MRPS6: variants seen among roughly 807,000 people sequenced by gnomAD.
The protein encoded by MRPS6 is small ribosomal subunit protein bS6m.
Under a neutral mutation model 13.1 loss-of-function variants are expected in MRPS6, and 6 were observed. That is an observed-to-expected ratio of 0.46 (90% CI 0.25 to 0.91). The LOEUF is 0.91. Ranked by LOEUF, MRPS6 falls within the 40% of genes least tolerant of loss-of-function variation. MRPS6 has a pLI of 0.18. For missense variants in MRPS6, 164 were observed against 155.6 expected (o/e 1.05, Z -0.29); for synonymous variants, 61 against 56.5 (o/e 1.08, Z -0.36).
intron 1 of MRPS6, among the ~76,000 whole-genome samples, chr21:34,110,844 C>G (rs188248119): frequency 5.9e-5 from 9 of 152,280 alleles, no homozygotes; most frequent in African/African-American, 2.2e-4. Flanking sequence ...TGCTCAAGAC[C>G]GATAGCGCTA....
At chr21:34,093,679 G>A (rs1269065570) in intron 1 of MRPS6, among the ~76,000 whole-genome samples, 1 of 152,204 alleles carries the variant, frequency 6.6e-6, no homozygotes, top group Non-Finnish European at 1.5e-5. Context: ...GCATTAGGTT[G>A]AATAAAATTG....
At chr21:34,079,475 G>T (rs1174980432) in intron 1 of MRPS6, among the ~76,000 whole-genome samples, 1 of 151,744 alleles carries the variant, frequency 6.6e-6, no homozygotes, top group Non-Finnish European at 1.5e-5. Flanking sequence ...TTGCTGTGTT[G>T]CCTAGGCTGG....
chr21:34,142,786 G>C lies in MRPS6; in HGVS notation c.*186G>C. 1.8e-6 allele frequency: 1 copy of C among 545,818 alleles called. No individual in the cohort carries two copies. Among genetic ancestry groups the C allele is most frequent in the Non-Finnish European group, 2.9e-6 (1 of 339,242 alleles). The allele number at this position is 545,818 out of a possible 1,614,324, so 33.8% of individuals were successfully genotyped here. A position where few individuals can be genotyped will look rare whatever the true frequency, so the allele number is the denominator to read the frequency against. On this transcript the variant is annotated 3_prime_UTR_variant, in exon 3 of 3. Coordinates refer to ENST00000399312, the MANE Select transcript of MRPS6 (RefSeq NM_032476.4). ...AGAGGTGGGGAACTGCTCACTGACA[G>C]CTTCTCTGTAACCTGCAGTACCAGT...
At chr21:34,077,334 GAAAT>G (rs1430795150) in intron 1 of MRPS6, among the ~76,000 whole-genome samples, 3 of 152,194 alleles carry the variant, frequency 2.0e-5, no homozygotes, top group South Asian at 2.1e-4. Flanking sequence ...TCTGAGGAAA[GAAAT>G]CTGTGCAATA....
chr21:34,110,122 T>C (rs1979639097), intron 1 of MRPS6, among the ~76,000 whole-genome samples: 1 of 152,222 alleles, frequency 6.6e-6, no homozygotes, highest in Non-Finnish European at 1.5e-5. Context: ...TGCTTATTTC[T>C]AAGTGCTAAG....
intron 1 of MRPS6, among the ~76,000 whole-genome samples, chr21:34,080,688 T>A (rs554522411): frequency 6.6e-6 from 1 of 152,232 alleles, no homozygotes; most frequent in Non-Finnish European, 1.5e-5. Context: ...AGTTAATTGG[T>A]GAATATGTTT....
At chr21:34,141,141 T>C (rs1980893372) in intron 2 of MRPS6, among the ~76,000 whole-genome samples, 1 of 152,232 alleles carries the variant, frequency 6.6e-6, no homozygotes, top group South Asian at 2.1e-4. Context: ...GCTAACACCA[T>C]CACGGTCAAA....
chr21:34,095,954 G>A lies in MRPS6; in HGVS notation c.45+22209G>A, dbSNP rs144668351. The A allele has an allele frequency of 1.9e-5, 31 of 1,614,104 alleles. 1 individual carries two copies. The African/African-American group carries it at 3.7e-4, about 19-fold the overall frequency. Reference sequence around the variant, plus strand: ...AGAAAGAAGCCCTGAAAATGCTGCGGAATCCAACAGATGAAGATGTTCCTT... The same window carrying A: ...AGAAAGAAGCCCTGAAAATGCTGCGAAATCCAACAGATGAAGATGTTCCTT... On this transcript the variant is annotated intron_variant, in intron 1 of 2. Coordinates refer to ENST00000399312, the MANE Select transcript of MRPS6 (RefSeq NM_032476.4).
chr21:34,104,244 T>TG (rs946398884), intron 1 of MRPS6: 63 of 1,000,166 alleles, frequency 6.3e-5, no homozygotes, highest in Non-Finnish European at 7.3e-5. Flanking sequence ...CTTTTCACAA[T>TG]GGGGTGGAGA....
At chr21:34,127,258 T>C (rs978388708) in intron 2 of MRPS6, among the ~76,000 whole-genome samples, 5 of 152,200 alleles carry the variant, frequency 3.3e-5, no homozygotes, top group African/African-American at 1.2e-4. Context: ...TGGGGGAGGT[T>C]CATGCTTTAA....
chr21:34,102,080 G>T, intron 1 of MRPS6: 1 of 1,000,044 alleles, frequency 1.0e-6, no homozygotes, highest in Non-Finnish European at 1.2e-6. Flanking sequence ...GCTAGACTTG[G>T]TTAACTTAGG....
chr21:34,075,914 C>G (rs1989319187), intron 1 of MRPS6, among the ~76,000 whole-genome samples: 1 of 152,208 alleles, frequency 6.6e-6, no homozygotes. Context: ...AGCTTGCACA[C>G]CGGTAGCAGG....
chr21:34,142,306 A>G (rs1381126471), intron 2 of MRPS6, 102 bp from the exon 3 acceptor site: 3 of 1,258,868 alleles, frequency 2.4e-6, no homozygotes, highest in African/African-American at 3.0e-5. Flanking sequence ...GTTTGTGTGT[A>G]GTTGATGTCT....
chr21:34,124,518 A>G (rs79467625), intron 1 of MRPS6: 1 of 148,854 alleles, frequency 6.7e-6, no homozygotes, highest in South Asian at 2.1e-4. Context: ...TTTTTTTTAA[A>G]TAACAGGCCT....
intron 2 of MRPS6, among the ~76,000 whole-genome samples, chr21:34,139,736 C>G (rs1364347372): frequency 6.6e-6 from 1 of 152,092 alleles, no homozygotes; most frequent in East Asian, 1.9e-4. Flanking sequence ...CACCACCATG[C>G]CTGGCTAATT....
chr21:34,087,837 G>A (rs990519964), intron 1 of MRPS6, among the ~76,000 whole-genome samples: 2 of 152,246 alleles, frequency 1.3e-5, no homozygotes, highest in African/African-American at 2.4e-5. Flanking sequence ...GAACTAAGGT[G>A]CTAGTAGTTG....
At chr21:34,091,687 G>A (rs1305397130) in intron 1 of MRPS6, among the ~76,000 whole-genome samples, 1 of 152,142 alleles carries the variant, frequency 6.6e-6, no homozygotes, top group Non-Finnish European at 1.5e-5. Context: ...CTAATTCTGT[G>A]CAAAACAATA....
At chr21:34,103,822 A>ATGCCAAAATTATATTTGGGGGT in intron 1 of MRPS6, 1 of 1,000,186 alleles carries the variant, frequency 1.0e-6, no homozygotes, top group Non-Finnish European at 1.2e-6. Context: ...AATGTCAAGA[A>ATGCCAAAATTATATTTGGGGGT]TGCCAAAATT....
intron 1 of MRPS6, chr21:34,103,196 G>A (rs1979324043): frequency 1.0e-6 from 1 of 999,626 alleles, no homozygotes; most frequent in African/African-American, 1.8e-5. Flanking sequence ...AAATTTATGT[G>A]TTTGGATTAG....
Sources: allele counts gnomAD v4.1 joint callset (sites outside exome capture counted in the v4.1 genomes callset), GRCh38; gene constraint gnomAD v4.1.1; transcripts MANE v1.5; gene names NCBI Gene and HGNC (gene_info 2026-07-23, HGNC 2026-07-21).